Variants in RBFOX3 observed in about 807,000 individuals in gnomAD.
RBFOX3 encodes RNA binding fox-1 homolog 3, also known as RNA binding protein fox-1 homolog 3.
In RBFOX3, 17 loss-of-function variants were observed where a neutral mutation model predicts 48.7. That is an observed-to-expected ratio of 0.35 (90% confidence interval 0.24 to 0.52). The LOEUF (loss-of-function observed/expected upper bound fraction) is 0.52. Among genes scored for constraint, RBFOX3 ranks in the 20% least tolerant of loss-of-function variants. RBFOX3 has a pLI of 0.94. For missense variants in RBFOX3, 382 were observed against 497.5 expected, an observed-to-expected ratio of 0.77 and a Z score of 2.21; for synonymous variants, 212 against 209.5, an observed-to-expected ratio of 1.01 and a Z score of -0.10.
At chr17:79,337,941 A>AT (rs1159109203) in intron 2 of RBFOX3, among the ~76,000 whole-genome samples, 22,273 of 139,840 alleles carry the variant, frequency 0.16, 2,270 homozygotes, top group African/African-American at 0.3. Context: ...ACTTCTCCAG[A>AT]TTTTTTTTTT....
intron 2 of RBFOX3, among the ~76,000 whole-genome samples, chr17:79,394,952 AGGAGGTGCCAGAAGGGT>A (rs2061813729): frequency 6.6e-6 from 1 of 152,236 alleles, no homozygotes; most frequent in Non-Finnish European, 1.5e-5. Flanking sequence ...GCAAGACGTC[AGGAGGTGCCAGAAGGGT>A]GGATGAGAAC....
chr17:79,372,410 C>A (rs1242138015), intron 2 of RBFOX3, among the ~76,000 whole-genome samples: 1 of 148,012 alleles, frequency 6.8e-6, no homozygotes, highest in Non-Finnish European at 1.5e-5. Flanking sequence ...GCTCCCCCAT[C>A]CTATGGCTCT....
intron 1 of RBFOX3, among the ~76,000 whole-genome samples, chr17:79,557,207 C>T (rs2091829422): frequency 8.6e-6 from 1 of 115,898 alleles, no homozygotes; most frequent in South Asian, 2.8e-4. Flanking sequence ...GCCTGGGTGA[C>T]AGAGTGAGAC....
chr17:79,603,889 A>C (rs2093767236), intron 1 of RBFOX3: 1 of 152,272 alleles, frequency 6.6e-6, no homozygotes, highest in Non-Finnish European at 1.5e-5. Context: ...CCCCAGCGGT[A>C]TGCTGCAGGC....
chr17:79,513,841 C>T (rs2084868269), intron 1 of RBFOX3, among the ~76,000 whole-genome samples: 2 of 152,182 alleles, frequency 1.3e-5, no homozygotes, highest in Non-Finnish European at 2.9e-5. Context: ...TGGGGGCCCG[C>T]GTGCCCTAGT....
chr17:79,210,207 G>T (rs2058188360), intron 4 of RBFOX3, among the ~76,000 whole-genome samples: 1 of 152,324 alleles, frequency 6.6e-6, no homozygotes, highest in African/African-American at 2.4e-5. Flanking sequence ...GCAATGGGCA[G>T]GTGCCTGGTC....
intron 3 of RBFOX3, among the ~76,000 whole-genome samples, chr17:79,267,364 C>T (rs751408922): frequency 4.6e-5 from 7 of 151,926 alleles, no homozygotes; most frequent in African/African-American, 7.3e-5. Flanking sequence ...GCTGTGACCC[C>T]GAGCCAAGAT....
intron 4 of RBFOX3, among the ~76,000 whole-genome samples, chr17:79,200,165 A>C (rs2056516208): frequency 6.6e-6 from 1 of 151,534 alleles, no homozygotes; most frequent in African/African-American, 2.4e-5. Flanking sequence ...TCCGTCTCAA[A>C]AAAAAAAAAA....
intron 3 of RBFOX3, among the ~76,000 whole-genome samples, chr17:79,281,102 A>G (rs1447683089): frequency 6.6e-6 from 1 of 152,238 alleles, no homozygotes; most frequent in Non-Finnish European, 1.5e-5. Flanking sequence ...CCTGGGTTCC[A>G]GCCTTGGCAC....
chr17:79,365,790 G>A (rs2057654500), intron 2 of RBFOX3, among the ~76,000 whole-genome samples: 2 of 152,208 alleles, frequency 1.3e-5, no homozygotes, highest in South Asian at 4.1e-4. Context: ...AAGGTAAAGA[G>A]GGCAGGGGCA....
chr17:79,350,214 G>T (rs2083641505), intron 2 of RBFOX3, among the ~76,000 whole-genome samples: 1 of 152,166 alleles, frequency 6.6e-6, no homozygotes, highest in Admixed American at 6.5e-5. Context: ...CTGACAGGCA[G>T]TTCTGACAGT....
At chr17:79,544,387 G>A (rs1443935491) in intron 1 of RBFOX3, among the ~76,000 whole-genome samples, 1 of 152,164 alleles carries the variant, frequency 6.6e-6, no homozygotes, top group Non-Finnish European at 1.5e-5. Flanking sequence ...TTGGTGGAAG[G>A]AGGCATCGAG....
intron 4 of RBFOX3, among the ~76,000 whole-genome samples, chr17:79,185,806 C>G (rs1156409395): frequency 6.6e-6 from 1 of 152,218 alleles, no homozygotes; most frequent in African/African-American, 2.4e-5. Flanking sequence ...TGAGTCAACG[C>G]TACTGTTTTT....
chr17:79,611,169 T>TCGCTCTCGCTCTCGCTCTCGCTCTCG (rs1359138866), upstream of RBFOX3, among the ~76,000 whole-genome samples: 23 of 25,908 alleles, frequency 8.9e-4, 2 homozygotes, highest in Non-Finnish European at 1.5e-3. Context: ...TCTCTCTCTC[T>TCGCTCTCGCTCTCGCTCTCGCTCTCG]CTCTCCGCCC....
intron 3 of RBFOX3, among the ~76,000 whole-genome samples, chr17:79,302,114 T>A (rs1040732394): frequency 6.6e-6 from 1 of 152,246 alleles, no homozygotes; most frequent in Non-Finnish European, 1.5e-5. Context: ...GCTTTTGCTC[T>A]ATGTATTCTA....
intron 5 of RBFOX3, among the ~76,000 whole-genome samples, chr17:79,113,534 C>T (rs1158165983): frequency 1.3e-5 from 2 of 152,286 alleles, no homozygotes; most frequent in East Asian, 3.9e-4. Context: ...GGCCGTCTGT[C>T]CATCCTCTGG....
At chr17:79,379,919 C>A (rs1429422310) in intron 2 of RBFOX3, among the ~76,000 whole-genome samples, 1 of 152,178 alleles carries the variant, frequency 6.6e-6, no homozygotes, top group Non-Finnish European at 1.5e-5. Context: ...TCCTGCAGCT[C>A]CTCCTGCCGC....
At chr17:79,446,017 C>A (rs2072207324) in intron 2 of RBFOX3, among the ~76,000 whole-genome samples, 2 of 152,190 alleles carry the variant, frequency 1.3e-5, no homozygotes, top group Admixed American at 1.3e-4. Flanking sequence ...GCTGCTCATC[C>A]TACAATGCAA....
intron 1 of RBFOX3, among the ~76,000 whole-genome samples, chr17:79,505,293 C>CT (rs2149779536): frequency 6.6e-6 from 1 of 152,300 alleles, no homozygotes; most frequent in East Asian, 1.9e-4. Context: ...CCCCATCCCA[C>CT]TGCCAGCACC....
Sources: gnomAD v4.1 joint callset for allele counts (sites outside exome capture counted in the v4.1 genomes callset) on GRCh38, gnomAD v4.1.1 for gene constraint, MANE v1.5 for transcripts, NCBI Gene and HGNC (gene_info 2026-07-23, HGNC 2026-07-21) for gene names.